Variants in DLGAP2 observed in about 807,000 individuals in gnomAD.
DLGAP2 encodes the protein DLG associated protein 2.
In DLGAP2, 26 loss-of-function variants were observed where a neutral mutation model predicts 100.3. The observed-to-expected ratio is 0.26, with a 90% CI of 0.19 to 0.36. The LOEUF is 0.36. DLGAP2 is among the 10% of genes least tolerant of loss of function. The pLI, the probability that DLGAP2 is intolerant of heterozygous loss-of-function variation, is 1.00. For missense variants in DLGAP2, 1,858 were observed against 1,453.2 expected (o/e 1.28, Z -4.53); for synonymous variants, 886 against 630.1 (o/e 1.41, Z -6.08).
chr8:1,610,034 G>A (rs777749922), intron 6 of DLGAP2, among the ~76,000 whole-genome samples: 1,885 of 151,678 alleles, frequency 0.012, 18 homozygotes, highest in Non-Finnish European at 0.02. Context: ...TGTACCAAGC[G>A]GACCTAATAG....
chr8:1,555,132 A>G (rs906153911), intron 5 of DLGAP2, among the ~76,000 whole-genome samples: 1 of 152,080 alleles, frequency 6.6e-6, no homozygotes, highest in African/African-American at 2.4e-5. Context: ...CTCACTTCCA[A>G]TCCCGTAGTG....
chr8:1,357,195 A>T (rs1336420158), intron 3 of DLGAP2, among the ~76,000 whole-genome samples: 1 of 152,106 alleles, frequency 6.6e-6, no homozygotes, highest in Non-Finnish European at 1.5e-5. Context: ...CTCAGTCGCA[A>T]GGGTGCTCAG....
intron 1 of DLGAP2, among the ~76,000 whole-genome samples, chr8:742,355 C>A (rs1171996918): frequency 6.6e-6 from 1 of 152,192 alleles, no homozygotes; most frequent in Non-Finnish European, 1.5e-5. Context: ...GTGAATCTGA[C>A]TGATCGTTGT....
intron 1 of DLGAP2, among the ~76,000 whole-genome samples, chr8:848,334 G>A (rs547066811): frequency 2.0e-5 from 3 of 150,208 alleles, no homozygotes; most frequent in South Asian, 2.1e-4. Flanking sequence ...CGTGCGGTGC[G>A]TGTTCCAGTA....
chr8:1,514,279 AC>A (rs1800282171), intron 4 of DLGAP2, among the ~76,000 whole-genome samples: 2 of 152,222 alleles, frequency 1.3e-5, no homozygotes, highest in Admixed American at 1.3e-4. Flanking sequence ...TTCTTATGCG[AC>A]TATTCCCAGA....
intron 2 of DLGAP2, among the ~76,000 whole-genome samples, chr8:1,147,449 G>C (rs753276993): frequency 7.3e-5 from 11 of 151,584 alleles, no homozygotes; most frequent in Non-Finnish European, 1.3e-4. Flanking sequence ...GCAAATGCCA[G>C]TTTTATTATC....
chr8:1,505,565 A>G (rs1799878124), intron 4 of DLGAP2, among the ~76,000 whole-genome samples: 1 of 152,252 alleles, frequency 6.6e-6, no homozygotes, highest in African/African-American at 2.4e-5. Flanking sequence ...GTAATGTATG[A>G]AAAGTAATTT....
chr8:1,297,730 G>A (rs58730252), intron 3 of DLGAP2, among the ~76,000 whole-genome samples: 3 of 108,458 alleles, frequency 2.8e-5, no homozygotes, highest in Admixed American at 1.0e-4. Flanking sequence ...CGTGGCAGGC[G>A]TGAACAGACA....
intron 1 of DLGAP2, among the ~76,000 whole-genome samples, chr8:842,747 A>G: frequency 6.6e-6 from 1 of 151,660 alleles, no homozygotes; most frequent in East Asian, 1.9e-4. Context: ...TTCTTTTTTC[A>G]ACCTTATATT....
At chr8:1,651,208 A>G (rs530754902) in intron 8 of DLGAP2, among the ~76,000 whole-genome samples, 4 of 152,370 alleles carry the variant, frequency 2.6e-5, no homozygotes, top group Admixed American at 6.5e-5. Flanking sequence ...CAGAAGGGCC[A>G]GGACTGAAGC....
intron 3 of DLGAP2, among the ~76,000 whole-genome samples, chr8:1,332,525 T>C (rs184166421): frequency 6.6e-5 from 10 of 152,262 alleles, no homozygotes; most frequent in Admixed American, 2.6e-4. Context: ...GTGTGTGTCA[T>C]TGTGCACACA....
At chr8:996,167 G>C (rs1315892690) in intron 2 of DLGAP2, among the ~76,000 whole-genome samples, 9 of 152,204 alleles carry the variant, frequency 5.9e-5, no homozygotes, top group African/African-American at 2.2e-4. Context: ...AGAGCTGAGA[G>C]AGGACTCACA....
At chr8:1,041,004 C>G (rs908529790) in intron 2 of DLGAP2, among the ~76,000 whole-genome samples, 41 of 152,164 alleles carry the variant, frequency 2.7e-4, no homozygotes, top group Non-Finnish European at 1.5e-5. Flanking sequence ...CATACCAAAA[C>G]CTCTACTTTC....
chr8:1,516,452 T>TGAGA, intron 4 of DLGAP2, among the ~76,000 whole-genome samples: 1 of 144,482 alleles, frequency 6.9e-6, no homozygotes, highest in South Asian at 2.2e-4. Flanking sequence ...AGGGAAAGAG[T>TGAGA]GACTGAGTGA....
At chr8:1,319,997 G>T (rs777483188) in intron 3 of DLGAP2, among the ~76,000 whole-genome samples, 1 of 152,154 alleles carries the variant, frequency 6.6e-6, no homozygotes, top group Non-Finnish European at 1.5e-5. Context: ...GAATAGGGCA[G>T]GAGACAAAGG....
chr8:856,029 T>C (rs956676816), intron 1 of DLGAP2, among the ~76,000 whole-genome samples: 2 of 152,136 alleles, frequency 1.3e-5, no homozygotes, highest in African/African-American at 4.8e-5. Flanking sequence ...TTCAAGATCA[T>C]ACTGGAAGTC....
intron 1 of DLGAP2, among the ~76,000 whole-genome samples, chr8:772,755 G>A (rs149705295): frequency 5.5e-4 from 84 of 152,336 alleles, no homozygotes; most frequent in African/African-American, 1.8e-3. Context: ...GGGTCATGGC[G>A]CCCTGGCTCC....
chr8:1,593,753 T>G (rs1424988449), intron 6 of DLGAP2, among the ~76,000 whole-genome samples: 2 of 152,166 alleles, frequency 1.3e-5, no homozygotes, highest in Non-Finnish European at 2.9e-5. Context: ...TGGCCCACTC[T>G]GGTTGCCTGG....
intron 3 of DLGAP2, among the ~76,000 whole-genome samples, chr8:1,357,279 G>A (rs1801877954): frequency 6.6e-6 from 1 of 152,098 alleles, no homozygotes; most frequent in Non-Finnish European, 1.5e-5. Context: ...GTGTCCTTCA[G>A]GGCAGTGCTT....
Sources: allele counts gnomAD v4.1 joint callset (sites outside exome capture counted in the v4.1 genomes callset), GRCh38; gene constraint gnomAD v4.1.1; transcripts MANE v1.5; gene names NCBI Gene and HGNC (gene_info 2026-07-23, HGNC 2026-07-21).